Variants in CENPW observed in about 807,000 individuals in gnomAD.
CENPW encodes centromere protein W.
CENPW carries 3 observed loss-of-function variants against 11.1 expected under a neutral mutation model. The ratio of observed to expected loss-of-function variants is 0.27; its 90% CI spans 0.12 to 0.70. CENPW has a LOEUF of 0.70. Ranked by LOEUF, CENPW falls within the 30% of genes least tolerant of loss-of-function variation. The pLI is 0.77. For missense variants in CENPW, 100 were observed against 105.6 expected, an observed-to-expected ratio of 0.95 and a Z score of 0.23; for synonymous variants, 38 against 42.0, an observed-to-expected ratio of 0.91 and a Z score of 0.37.
chr6:126,374,803 A>G, the CENPW span, among the ~76,000 whole-genome samples: 1 of 152,228 alleles, frequency 6.6e-6, no homozygotes, highest in African/African-American at 2.4e-5. Context: ...TTTGTTGATT[A>G]CTAGCTATAT....
chr6:126,456,847 T>C, the CENPW span, among the ~76,000 whole-genome samples: 1 of 151,462 alleles, frequency 6.6e-6, no homozygotes, highest in African/African-American at 2.4e-5. Flanking sequence ...CTGAAACAAA[T>C]TAACAAGCAA....
the CENPW span, among the ~76,000 whole-genome samples, chr6:126,420,718 G>C: frequency 6.6e-6 from 1 of 152,070 alleles, no homozygotes; most frequent in Non-Finnish European, 1.5e-5. Context: ...AGGCTAAATG[G>C]GGAGTACGGT....
chr6:126,429,396 G>A, the CENPW span, among the ~76,000 whole-genome samples: 3 of 152,200 alleles, frequency 2.0e-5, no homozygotes, highest in Non-Finnish European at 2.9e-5. Context: ...TTGGGTCTTG[G>A]GGGTGGATTC....
chr6:126,342,058 T>G (rs1168726866), intron 1 of CENPW, among the ~76,000 whole-genome samples: 1 of 152,228 alleles, frequency 6.6e-6, no homozygotes, highest in East Asian at 1.9e-4. Flanking sequence ...CTGTCTTGAA[T>G]GTGGCATGGA....
At chr6:126,480,403 G>T in the CENPW span, among the ~76,000 whole-genome samples, 5 of 151,904 alleles carry the variant, frequency 3.3e-5, no homozygotes, top group African/African-American at 1.2e-4. Context: ...TCTGTGGGTG[G>T]CCATGGACAA....
At chr6:126,410,938 T>G in the CENPW span, among the ~76,000 whole-genome samples, 3 of 152,102 alleles carry the variant, frequency 2.0e-5, no homozygotes, top group Admixed American at 2.0e-4. Flanking sequence ...CCTCACTGCA[T>G]TTTCTTAATA....
At chr6:126,412,933 T>C in the CENPW span, among the ~76,000 whole-genome samples, 1 of 152,178 alleles carries the variant, frequency 6.6e-6, no homozygotes, top group Non-Finnish European at 1.5e-5. Flanking sequence ...TCTCAAGTAC[T>C]ACAGAGTCTC....
chr6:126,419,519 A>C, the CENPW span, among the ~76,000 whole-genome samples: 1 of 152,214 alleles, frequency 6.6e-6, no homozygotes. Flanking sequence ...ACAGATGATA[A>C]ATAACAAATA....
chr6:126,348,780 T>G lies in CENPW; in HGVS notation c.*288T>G, dbSNP rs528056895. On this transcript the variant is annotated 3_prime_UTR_variant, in exon 3 of 3. Coordinates refer to ENST00000368328, the MANE Select transcript of CENPW (RefSeq NM_001012507.4). Reference sequence around the variant, plus strand: ...TTATGTATCAAAAATGAAATCTTACTATATTAAATACTTTGAAAATGTACT... The same window carrying G: ...TTATGTATCAAAAATGAAATCTTACGATATTAAATACTTTGAAAATGTACT... 15 of 216,544 alleles carry G rather than the reference T, an allele frequency of 6.9e-5. No individual in the cohort carries two copies. The highest frequency in any genetic ancestry group is 1.3e-4 in the Non-Finnish European group (14 of 110,890). 13.4% of individuals were successfully genotyped at this position (216,544 alleles called of 1,614,324 possible). A position where few individuals can be genotyped will look rare whatever the true frequency, so the allele number is the denominator to read the frequency against.
chr6:126,435,259 C>G, the CENPW span, among the ~76,000 whole-genome samples: 1 of 151,836 alleles, frequency 6.6e-6, no homozygotes, highest in African/African-American at 2.4e-5. Flanking sequence ...TTTAATAACT[C>G]TTTCAAAAGT....
the CENPW span, among the ~76,000 whole-genome samples, chr6:126,450,277 TGTA>T: frequency 2.0e-5 from 3 of 151,138 alleles, no homozygotes; most frequent in African/African-American, 4.8e-5. Flanking sequence ...AATGTAAATG[TGTA>T]AGACTGACTT....
chr6:126,462,753 G>A, the CENPW span, among the ~76,000 whole-genome samples: 1 of 151,840 alleles, frequency 6.6e-6, no homozygotes, highest in Admixed American at 6.6e-5. Flanking sequence ...AATATATACA[G>A]GCATTGGTGT....
chr6:126,470,662 C>T, the CENPW span, among the ~76,000 whole-genome samples: 20 of 152,346 alleles, frequency 1.3e-4, no homozygotes, highest in Middle Eastern at 0.02. Context: ...TCAACACCAG[C>T]CCATAAAAGC....
the CENPW span, among the ~76,000 whole-genome samples, chr6:126,422,271 G>C: frequency 6.6e-6 from 1 of 152,006 alleles, no homozygotes; most frequent in Non-Finnish European, 1.5e-5. Flanking sequence ...TATTAACCTA[G>C]TTATATACCT....
At chr6:126,340,609 G>A (rs1164402843) in intron 1 of CENPW, among the ~76,000 whole-genome samples, 1 of 152,178 alleles carries the variant, frequency 6.6e-6, no homozygotes, top group African/African-American at 2.4e-5. Flanking sequence ...GCGCCGAAAA[G>A]TAAATATCTG....
At chr6:126,377,711 C>T in the CENPW span, among the ~76,000 whole-genome samples, 1 of 152,194 alleles carries the variant, frequency 6.6e-6, no homozygotes. Context: ...TGCTAATATA[C>T]TACTCACTTT....
the CENPW span, among the ~76,000 whole-genome samples, chr6:126,428,382 T>C: frequency 1.3e-5 from 2 of 152,222 alleles, no homozygotes; most frequent in Admixed American, 1.3e-4. Flanking sequence ...ACTGAATATA[T>C]TTTCATGACT....
chr6:126,402,164 C>T, the CENPW span, among the ~76,000 whole-genome samples: 2 of 151,970 alleles, frequency 1.3e-5, no homozygotes, highest in Non-Finnish European at 2.9e-5. Context: ...AAATCTGACA[C>T]GTATTTTTAA....
chr6:126,409,280 G>A, the CENPW span, among the ~76,000 whole-genome samples: 2 of 152,118 alleles, frequency 1.3e-5, no homozygotes, highest in Non-Finnish European at 2.9e-5. Context: ...ACTGATACAA[G>A]AAAAGATACT....
Sources: gnomAD v4.1 joint callset for allele counts (sites outside exome capture counted in the v4.1 genomes callset) on GRCh38, gnomAD v4.1.1 for gene constraint, MANE v1.5 for transcripts, NCBI Gene and HGNC (gene_info 2026-07-23, HGNC 2026-07-21) for gene names.